Variants in NXPH1 observed in about 807,000 individuals in gnomAD.
NXPH1 encodes the protein neurexophilin 1, also known as neurexophilin-1.
Under a neutral mutation model 23.7 loss-of-function variants are expected in NXPH1, and 5 were observed. That is an observed-to-expected ratio of 0.21 (90% CI 0.11 to 0.44). The LOEUF is 0.44. Among genes scored for constraint, NXPH1 ranks in the 20% least tolerant of loss-of-function variants. NXPH1 has a pLI of 0.99. For missense variants in NXPH1, 324 were observed against 321.6 expected, an observed-to-expected ratio of 1.01 and a Z score of -0.06; for synonymous variants, 144 against 122.2, an observed-to-expected ratio of 1.18 and a Z score of -1.18.
chr7:8,594,153 C>T (rs1311076657), intron 2 of NXPH1, among the ~76,000 whole-genome samples: 1 of 152,028 alleles, frequency 6.6e-6, no homozygotes, highest in Non-Finnish European at 1.5e-5. Context: ...CCACACTCCA[C>T]CCCCCACGTT....
At chr7:8,746,163 T>C (rs1780467091) in intron 2 of NXPH1, among the ~76,000 whole-genome samples, 1 of 152,192 alleles carries the variant, frequency 6.6e-6, no homozygotes, top group Admixed American at 6.5e-5. Context: ...GCTATTTTGT[T>C]AATAAGACAA....
intron 2 of NXPH1, among the ~76,000 whole-genome samples, chr7:8,742,524 T>C (rs1297626801): frequency 6.9e-6 from 1 of 144,446 alleles, no homozygotes; most frequent in Non-Finnish European, 1.6e-5. Context: ...ATACAGGTGA[T>C]ATATCTGAAT....
At chr7:8,725,703 A>T (rs956566400) in intron 2 of NXPH1, among the ~76,000 whole-genome samples, 1 of 152,180 alleles carries the variant, frequency 6.6e-6, no homozygotes, top group Non-Finnish European at 1.5e-5. Flanking sequence ...TTCTTAGACA[A>T]TGCCACACTA....
chr7:8,679,877 C>T (rs560925541), intron 2 of NXPH1, among the ~76,000 whole-genome samples: 1 of 152,198 alleles, frequency 6.6e-6, no homozygotes, highest in African/African-American at 2.4e-5. Context: ...AAAAATTAGC[C>T]AGGTGTGGTG....
At chr7:8,474,844 C>T (rs1816942045) in intron 2 of NXPH1, among the ~76,000 whole-genome samples, 1 of 152,090 alleles carries the variant, frequency 6.6e-6, no homozygotes, top group African/African-American at 2.4e-5. Context: ...CTTTTTCTTC[C>T]CTCTCACCTG....
chr7:8,543,160 A>G (rs1818144877), intron 2 of NXPH1, among the ~76,000 whole-genome samples: 1 of 151,522 alleles, frequency 6.6e-6, no homozygotes, highest in African/African-American at 2.4e-5. Context: ...CTCAATACAT[A>G]TACTGCTACT....
intron 2 of NXPH1, among the ~76,000 whole-genome samples, chr7:8,481,506 TG>T (rs1817072580): frequency 6.6e-6 from 1 of 152,152 alleles, no homozygotes; most frequent in African/African-American, 2.4e-5. Context: ...AGTGAAATAG[TG>T]AGCCTGTTTT....
chr7:8,704,000 C>A (rs1374287187), intron 2 of NXPH1, among the ~76,000 whole-genome samples: 2 of 151,926 alleles, frequency 1.3e-5, no homozygotes, highest in African/African-American at 4.8e-5. Context: ...AACTTATATT[C>A]TAGAATGAAT....
At chr7:8,638,969 C>G (rs1820263503) in intron 2 of NXPH1, among the ~76,000 whole-genome samples, 1 of 151,988 alleles carries the variant, frequency 6.6e-6, no homozygotes, top group South Asian at 2.1e-4. Flanking sequence ...TCAGTTTCCT[C>G]AACTCCAAGC....
intron 2 of NXPH1, among the ~76,000 whole-genome samples, chr7:8,523,854 C>T (rs1817816619): frequency 6.6e-6 from 1 of 152,102 alleles, no homozygotes; most frequent in African/African-American, 2.4e-5. Context: ...GCTGTCCTTC[C>T]CCACTAACCA....
intron 2 of NXPH1, among the ~76,000 whole-genome samples, chr7:8,593,490 G>A (rs913775398): frequency 6.6e-6 from 1 of 151,908 alleles, no homozygotes; most frequent in African/African-American, 2.4e-5. Flanking sequence ...CTCTTCCCTT[G>A]TGGAATAAAT....
intron 2 of NXPH1, among the ~76,000 whole-genome samples, chr7:8,641,988 C>T (rs1820321331): frequency 6.6e-6 from 1 of 152,098 alleles, no homozygotes; most frequent in African/African-American, 2.4e-5. Flanking sequence ...TTCCTGGAGC[C>T]CTGCACCTTC....
At position 8,751,144 on chromosome 7, in the gene NXPH1, G is replaced by T. The variant is rs541643211; in HGVS notation, c.191G>T (p.Arg64Leu). 2 of 1,613,672 alleles carry T rather than the reference G, an allele frequency of 1.2e-6. No individual in the cohort carries two copies. The highest frequency in any genetic ancestry group is 1.1e-5 in the South Asian group (1 of 91,092). Residue 64 changes from arginine to leucine, a missense_variant, in exon 3 of 3, where the codon CGT becomes CTT. By Grantham distance (102) the Arg-to-Leu change is moderately radical. Coordinates refer to ENST00000405863, the MANE Select transcript of NXPH1 (RefSeq NM_152745.3). This position sits in a 1 kb window ranked among gnomAD's most constrained non-coding sequence, Gnocchi z 4.5. ...SISRLLSQTFRGKENDTDLDL... is the reference protein window; with the variant it reads ...SISRLLSQTFLGKENDTDLDL... Reference sequence around the variant, plus strand: ...AGCCGACTCCTGTCACAGACTTTTCGTGGCAAAGAGAATGATACAGATTTG... The same window carrying T: ...AGCCGACTCCTGTCACAGACTTTTCTTGGCAAAGAGAATGATACAGATTTG...
intron 2 of NXPH1, among the ~76,000 whole-genome samples, chr7:8,459,108 GAGA>G (rs1415958216): frequency 6.6e-6 from 1 of 150,526 alleles, no homozygotes; most frequent in Non-Finnish European, 1.5e-5. Context: ...TTCTTCCAAG[GAGA>G]AGGAGTTAAC....
chr7:8,515,022 G>A (rs982682467), intron 2 of NXPH1, among the ~76,000 whole-genome samples: 9 of 152,052 alleles, frequency 5.9e-5, no homozygotes, highest in Admixed American at 2.0e-4. Context: ...TAAACAGAGC[G>A]TTGCAGAAAG....
chr7:8,460,826 C>T (rs1816682069), intron 2 of NXPH1, among the ~76,000 whole-genome samples: 1 of 152,196 alleles, frequency 6.6e-6, no homozygotes, highest in Admixed American at 6.5e-5. Context: ...AACAGTCAAA[C>T]ATCTGTTGGC....
chr7:8,750,918 T>C, intron 2 of NXPH1, 90 bp from the exon 3 acceptor site: 1 of 1,276,980 alleles, frequency 7.8e-7, no homozygotes, highest in South Asian at 1.4e-5. Context: ...AATTATTTAA[T>C]CCTGAGACTC....
In NXPH1 at chr7:8,586,540, A is replaced by G. The variant is rs531479320; in HGVS notation, c.54+150773A>G. On this transcript the variant is annotated intron_variant, in intron 2 of 2. Transcript: ENST00000405863. Reference sequence around the variant, plus strand: ...AGTTTTGTTCAGTCTTGAAGAGTAGAGCCAAATAGCCAAGGTAGAAAGGGG... The same window carrying G: ...AGTTTTGTTCAGTCTTGAAGAGTAGGGCCAAATAGCCAAGGTAGAAAGGGG... 1.5e-3 allele frequency among the ~76,000 whole-genome samples: 222 copies of G among 152,028 alleles called. 1 individual carries two copies. Among genetic ancestry groups the G allele is most frequent in the Non-Finnish European group, 2.6e-3 (175 of 67,986 alleles).
rs138855274 is a variant in NXPH1 at position 8,712,775 on chromosome 7, C to T, written c.55-38233C>T. On this transcript the variant is annotated intron_variant, in intron 2 of 2. Transcript: ENST00000405863. ...AGGTTAGCCTCCTTGCTCATGGTCA[C>T]ACATCTAGTAAATTGCAGAGTCAGA... is the stretch of plus-strand genomic sequence containing the variant. Among the ~76,000 whole-genome samples, 265 of 152,238 alleles carry T rather than the reference C, an allele frequency of 1.7e-3. 1 individual carries two copies. The highest frequency in any genetic ancestry group is 6.1e-3 in the African/African-American group (254 of 41,552).
Sources: gnomAD v4.1 joint callset for allele counts (sites outside exome capture counted in the v4.1 genomes callset) on GRCh38, gnomAD v4.1.1 for gene constraint, Gnocchi (gnomAD v3.1) non-coding constraint, MANE v1.5 for transcripts, NCBI Gene and HGNC (gene_info 2026-07-23, HGNC 2026-07-21) for gene names.